TENM4: variants seen among roughly 807,000 people sequenced by gnomAD.
TENM4 encodes teneurin transmembrane protein 4, also known as teneurin-4.
TENM4 carries 82 observed loss-of-function variants against 243.3 expected under a neutral mutation model. The observed-to-expected ratio is 0.34, with a 90% CI of 0.28 to 0.40. TENM4 has a LOEUF of 0.40. TENM4 is among the 10% of genes least tolerant of loss of function. The pLI is 1.00. For synonymous variants in TENM4, 1,412 were observed against 1,456.3 expected, an observed-to-expected ratio of 0.97 and a Z score of 0.69; for missense variants, 3,138 against 3,673.3, an observed-to-expected ratio of 0.85 and a Z score of 3.77.
At position 78,701,686 on chromosome 11, in the gene TENM4, C is replaced by T. The variant is rs763900351; in HGVS notation, c.4927G>A (p.Val1643Met). Residue 1643 changes from valine (V) to methionine (M), a missense_variant, in exon 28 of 34, where the codon GTG becomes ATG. Coordinates refer to ENST00000278550, the MANE Select transcript of TENM4 (RefSeq NM_001098816.3). Reference sequence around the variant, plus strand: ...CAGTACACCTGGCCATCTGGGACCACCAGCCAGAGGGGCATCCCAGTAGAG... The same window carrying T: ...CAGTACACCTGGCCATCTGGGACCATCAGCCAGAGGGGCATCCCAGTAGAG... Reference protein sequence around the residue: ...RDSTGMPLWLVVPDGQVYWVT... With the variant: ...RDSTGMPLWLMVPDGQVYWVT... 2.5e-6 allele frequency: 4 copies of T among 1,613,966 alleles called. No homozygotes were observed. The highest frequency in any genetic ancestry group is 2.2e-5 in the East Asian group (1 of 44,874).
intron 6 of TENM4, among the ~76,000 whole-genome samples, chr11:79,039,746 C>A (rs1369134274): frequency 6.6e-6 from 1 of 152,108 alleles, no homozygotes; most frequent in Non-Finnish European, 1.5e-5. Flanking sequence ...CACGTGTATA[C>A]CTATGTAACA....
chr11:79,252,781 A>G (rs1050502843), intron 2 of TENM4, among the ~76,000 whole-genome samples: 18 of 152,186 alleles, frequency 1.2e-4, no homozygotes, highest in African/African-American at 4.1e-4. Context: ...TGTGGGTCCA[A>G]GGAGGATGAG....
intron 1 of TENM4, among the ~76,000 whole-genome samples, chr11:79,365,730 G>A (rs1332095857): frequency 1.3e-5 from 2 of 152,124 alleles, no homozygotes; most frequent in Non-Finnish European, 2.9e-5. Flanking sequence ...GGAAGCAGGA[G>A]GAGCTAAGCC....
At chr11:79,386,378 A>C (rs1858111875) in intron 1 of TENM4, among the ~76,000 whole-genome samples, 1 of 152,230 alleles carries the variant, frequency 6.6e-6, no homozygotes, top group Non-Finnish European at 1.5e-5. Flanking sequence ...ACAAGACATA[A>C]AATGTGCTAA....
At chr11:78,813,863 T>C (rs561473010) in intron 13 of TENM4, among the ~76,000 whole-genome samples, 2 of 152,264 alleles carry the variant, frequency 1.3e-5, no homozygotes, top group African/African-American at 4.8e-5. Context: ...TGTTAGAAAG[T>C]AGCAACAGAG....
chr11:79,317,251 C>T (rs115695316), intron 1 of TENM4, among the ~76,000 whole-genome samples: 1,953 of 152,286 alleles, frequency 0.013, 46 homozygotes, highest in African/African-American at 0.045. Flanking sequence ...TGTATCCAAA[C>T]GTGTTTGTTC....
chr11:78,961,404 C>G (rs1453845307), intron 6 of TENM4, among the ~76,000 whole-genome samples: 5 of 152,182 alleles, frequency 3.3e-5, no homozygotes, highest in Non-Finnish European at 7.3e-5. Flanking sequence ...TGGCTCAAGT[C>G]TAACAGCACC....
chr11:79,279,853 A>G (rs765927589), intron 2 of TENM4, among the ~76,000 whole-genome samples: 4 of 152,312 alleles, frequency 2.6e-5, no homozygotes, highest in East Asian at 1.9e-4. Flanking sequence ...TTGATCCCCA[A>G]TGCAACAGTA....
At chr11:79,228,631 G>C (rs968206402) in intron 2 of TENM4, among the ~76,000 whole-genome samples, 6 of 151,000 alleles carry the variant, frequency 4.0e-5, no homozygotes, top group African/African-American at 1.5e-4. Context: ...AAAACAAAGA[G>C]TCCTTTCTGG....
At chr11:79,396,096 C>A (rs1190725866) in intron 1 of TENM4, among the ~76,000 whole-genome samples, 1 of 152,176 alleles carries the variant, frequency 6.6e-6, no homozygotes, top group Non-Finnish European at 1.5e-5. Flanking sequence ...CTATGTTCTT[C>A]CCATCCATCT....
intron 1 of TENM4, among the ~76,000 whole-genome samples, chr11:79,415,238 T>A (rs927996125): frequency 1.3e-5 from 2 of 152,210 alleles, no homozygotes; most frequent in Non-Finnish European, 2.9e-5. Flanking sequence ...AATTAAAGCA[T>A]GTTTAATCAA....
At chr11:79,010,637 G>C (rs765049825) in intron 6 of TENM4, among the ~76,000 whole-genome samples, 1 of 152,152 alleles carries the variant, frequency 6.6e-6, no homozygotes, top group Non-Finnish European at 1.5e-5. Context: ...GCTGTGCAGG[G>C]AAACTCCCCC....
At position 78,676,359 on chromosome 11, in the gene TENM4, CCCGATGTAGTAGCTGTT is replaced by C; in HGVS notation, c.5272_5288del (p.Asn1758GlyfsTer20). On this transcript the variant is annotated frameshift_variant, in exon 30 of 34. Transcript: ENST00000278550. LOFTEE classifies it high-confidence loss of function. Reference sequence around the variant, plus strand: ...GCAGCAGCCGCAAGGAGCCATCGGCCCCGATGTAGTAGCTGTTCCGGACTTGGTCTGCAGGAGAGGAC... The same window carrying C: ...GCAGCAGCCGCAAGGAGCCATCGGCCCCGGACTTGGTCTGCAGGAGAGGAC... 1 of 1,605,510 alleles carries C rather than the reference CCCGATGTAGTAGCTGTT, an allele frequency of 6.2e-7. No individual in the cohort carries two copies. The highest frequency in any genetic ancestry group is 8.5e-7 in the Non-Finnish European group (1 of 1,173,102).
At chr11:79,085,023 A>G (rs1300568256) in intron 4 of TENM4, among the ~76,000 whole-genome samples, 1 of 152,128 alleles carries the variant, frequency 6.6e-6, no homozygotes, top group Non-Finnish European at 1.5e-5. Context: ...ATCTCTTGTT[A>G]TTTCTTATAA....
intron 3 of TENM4, among the ~76,000 whole-genome samples, chr11:79,187,203 A>T (rs951992029): frequency 2.6e-5 from 4 of 152,210 alleles, no homozygotes; most frequent in African/African-American, 9.7e-5. Flanking sequence ...TAATTTGACT[A>T]TGAGACGGGT....
intron 18 of TENM4, among the ~76,000 whole-genome samples, chr11:78,758,077 A>G (rs957492489): frequency 6.6e-6 from 1 of 152,242 alleles, no homozygotes; most frequent in Non-Finnish European, 1.5e-5. Context: ...ATAAGCAGGT[A>G]GTGTCCAAAG....
intron 6 of TENM4, among the ~76,000 whole-genome samples, chr11:78,958,398 A>T (rs1373526458): frequency 3.3e-5 from 5 of 152,202 alleles, no homozygotes. Flanking sequence ...CTTAATCCTA[A>T]CCACTTCCTT....
chr11:79,098,321 A>G (rs976285718), intron 4 of TENM4, among the ~76,000 whole-genome samples: 2 of 151,992 alleles, frequency 1.3e-5, no homozygotes, highest in African/African-American at 4.8e-5. Flanking sequence ...CTCAAAGCCA[A>G]ACAGCTAGCT....
chr11:79,147,665 G>A (rs1222364592), intron 4 of TENM4, among the ~76,000 whole-genome samples: 3 of 152,012 alleles, frequency 2.0e-5, no homozygotes, highest in African/African-American at 7.2e-5. Context: ...ACTAGCAACT[G>A]CCATGTTTTG....
Sources: gnomAD v4.1 joint callset for allele counts (sites outside exome capture counted in the v4.1 genomes callset) on GRCh38, gnomAD v4.1.1 for gene constraint, MANE v1.5 for transcripts, NCBI Gene and HGNC (gene_info 2026-07-23, HGNC 2026-07-21) for gene names.